ACSM2B: variants seen among roughly 807,000 people sequenced by gnomAD.
ACSM2B encodes the protein acyl-CoA synthetase medium chain family member 2B.
In ACSM2B, 58 loss-of-function variants were observed where a neutral mutation model predicts 78.6. The observed-to-expected ratio is 0.74, with a 90% CI of 0.60 to 0.92. The LOEUF (loss-of-function observed/expected upper bound fraction) is 0.92. Ranked by LOEUF, ACSM2B falls within the 40% of genes least tolerant of loss-of-function variation. The pLI is 0.00. For missense variants in ACSM2B, 688 were observed against 711.2 expected (o/e 0.97, Z 0.37); for synonymous variants, 257 against 256.8 (o/e 1.00, Z -0.01).
chr16:20,542,197 T>C (rs1029189379), intron 12 of ACSM2B: 6 of 149,376 alleles, frequency 4.0e-5, no homozygotes, highest in Non-Finnish European at 8.8e-5. Flanking sequence ...TTCGAACTTA[T>C]TGCTGCTAAC....
intron 1 of ACSM2B, among the ~76,000 whole-genome samples, chr16:20,567,970 A>C (rs1263333502): frequency 7.0e-6 from 1 of 143,314 alleles, no homozygotes; most frequent in Non-Finnish European, 1.5e-5. Context: ...AAAATATTTT[A>C]TATATAAAAT....
At chr16:20,556,529 G>A (rs1452601864) in intron 3 of ACSM2B, among the ~76,000 whole-genome samples, 1 of 152,208 alleles carries the variant, frequency 6.6e-6, no homozygotes, top group Non-Finnish European at 1.5e-5. Flanking sequence ...TTGAACCTGG[G>A]AGGCAAAGGT....
intron 13 of ACSM2B, among the ~76,000 whole-genome samples, chr16:20,539,955 C>T (rs891527855): frequency 6.6e-6 from 1 of 152,194 alleles, no homozygotes; most frequent in African/African-American, 2.4e-5. Context: ...TTTCTTCACC[C>T]CAGGACTTTT....
At chr16:20,568,933 G>C (rs1428348841) in intron 1 of ACSM2B, among the ~76,000 whole-genome samples, 1 of 151,480 alleles carries the variant, frequency 6.6e-6, no homozygotes, top group African/African-American at 2.4e-5. Context: ...TTGCTAATTT[G>C]TTTGAGTTCC....
intron 2 of ACSM2B, among the ~76,000 whole-genome samples, chr16:20,561,445 C>T (rs2015652258): frequency 6.6e-6 from 1 of 151,146 alleles, no homozygotes; most frequent in Non-Finnish European, 1.5e-5. Context: ...TGGGGAAGTG[C>T]CATGTATGTT....
intron 1 of ACSM2B, among the ~76,000 whole-genome samples, chr16:20,566,645 CT>C (rs2015861312): frequency 8.6e-5 from 1 of 11,604 alleles, no homozygotes; most frequent in African/African-American, 3.4e-4. Flanking sequence ...TATATATATA[CT>C]ATACTATATA....
intron 13 of ACSM2B, 106 bp downstream of exon 13, chr16:20,540,548 A>C (rs779619540): frequency 7.2e-6 from 11 of 1,536,432 alleles, no homozygotes; most frequent in Non-Finnish European, 9.7e-6. Context: ...CGGCCCAGGA[A>C]GACTTTTTAA....
intron 13 of ACSM2B, among the ~76,000 whole-genome samples, chr16:20,539,645 A>T (rs1456516725): frequency 7.2e-5 from 11 of 151,880 alleles, no homozygotes; most frequent in Non-Finnish European, 1.2e-4. Context: ...TCTGAGGATG[A>T]CTTGGCTAAT....
At chr16:20,555,174 C>T (rs1021523495) in intron 4 of ACSM2B, 95 bp downstream of exon 4, 2 of 1,574,898 alleles carry the variant, frequency 1.3e-6, no homozygotes, top group African/African-American at 1.4e-5. Flanking sequence ...CCATGCTGTT[C>T]TTCCTGCAAC....
chr16:20,558,785 C>T (rs1394317447), intron 3 of ACSM2B, among the ~76,000 whole-genome samples: 5 of 152,190 alleles, frequency 3.3e-5, no homozygotes, highest in Non-Finnish European at 7.3e-5. Flanking sequence ...GTTGCCACTG[C>T]AGTGCAAATG....
At chr16:20,538,469 A>C (rs1175615707) in intron 13 of ACSM2B, among the ~76,000 whole-genome samples, 3 of 152,192 alleles carry the variant, frequency 2.0e-5, no homozygotes, top group African/African-American at 4.8e-5. Context: ...CAAAGGGTAG[A>C]TAGAGAGTGG....
chr16:20,545,051 C>A (rs1425837195), intron 10 of ACSM2B, 106 bp downstream of exon 10: 5 of 1,413,270 alleles, frequency 3.5e-6, no homozygotes, highest in Middle Eastern at 2.4e-4. Context: ...CTCTTTGTCT[C>A]CATATCTAAT....
At chr16:20,549,929 C>T (rs1213213547) in intron 6 of ACSM2B, 4 of 347,504 alleles carry the variant, frequency 1.2e-5, no homozygotes, top group African/African-American at 8.8e-5. Context: ...ATTGTGGAGA[C>T]CCAAGTTCTT....
intron 11 of ACSM2B, 57 bp downstream of exon 11, chr16:20,543,078 G>C: frequency 6.2e-7 from 1 of 1,613,138 alleles, no homozygotes; most frequent in Non-Finnish European, 8.5e-7. Context: ...CCGGAAGTCT[G>C]GAACCAGCCA....
At chr16:20,566,943 TTATATATCA>T (rs1414022833) in intron 1 of ACSM2B, among the ~76,000 whole-genome samples, 1 of 119,002 alleles carries the variant, frequency 8.4e-6, no homozygotes, top group African/African-American at 3.2e-5. Context: ...TACCATACTA[TTATATATCA>T]TATATATTAT....
intron 4 of ACSM2B, chr16:20,554,188 G>A (rs2015401370): frequency 9.9e-6 from 6 of 607,592 alleles, no homozygotes; most frequent in South Asian, 7.8e-5. Flanking sequence ...CTGCAAAAAA[G>A]TGAGATCAAG....
intron 6 of ACSM2B, among the ~76,000 whole-genome samples, chr16:20,550,734 C>G (rs1272217002): frequency 2.6e-5 from 4 of 152,100 alleles, no homozygotes; most frequent in African/African-American, 9.7e-5. Flanking sequence ...AGGGAAATAA[C>G]CCAACCCCTC....
chr16:20,537,406 C>T, intron 13 of ACSM2B, 44 bp from the exon 14 acceptor site: 2 of 1,606,224 alleles, frequency 1.2e-6, no homozygotes, highest in Non-Finnish European at 1.7e-6. Flanking sequence ...TCTGTGATGA[C>T]AGTGGGTTGC....
At position 20,536,247 on chromosome 16, in the gene ACSM2B, C is replaced by CTAT. The variant is rs1356996447; in HGVS notation, c.*1008_*1010dup. On this transcript the variant is annotated 3_prime_UTR_variant, in exon 14 of 14. Transcript: ENST00000329697. ...TGTCTTTTTTTGTTTTTCCTAAAGACTATTGTCAGGATCTTGGTTTTAAAA... is the reference window on the plus strand; with the variant it reads ...TGTCTTTTTTTGTTTTTCCTAAAGACTATTATTGTCAGGATCTTGGTTTTAAAA... 4 of 152,094 alleles carry CTAT rather than the reference C, an allele frequency of 2.6e-5. No individual in the cohort carries two copies. Among genetic ancestry groups the CTAT allele is most frequent in the African/African-American group, 9.7e-5 (4 of 41,408 alleles). The allele number at this position is 152,094 out of a possible 1,614,324, so 9.4% of individuals were successfully genotyped here. A position where few individuals can be genotyped will look rare whatever the true frequency, so the allele number is the denominator to read the frequency against.
Sources: gnomAD v4.1 joint callset for allele counts (sites outside exome capture counted in the v4.1 genomes callset) on GRCh38, gnomAD v4.1.1 for gene constraint, MANE v1.5 for transcripts, NCBI Gene and HGNC (gene_info 2026-07-23, HGNC 2026-07-21) for gene names.